Variants in PLEKHA4 observed in about 807,000 individuals in gnomAD.
PLEKHA4 encodes the protein pleckstrin homology domain containing A4, also known as pleckstrin homology domain-containing family A member 4.
PLEKHA4 carries 73 observed loss-of-function variants against 94.7 expected under a neutral mutation model. That is an observed-to-expected ratio of 0.77 (90% CI 0.64 to 0.94). PLEKHA4 has a LOEUF of 0.94. PLEKHA4 is among the 40% of genes least tolerant of loss of function. The probability of loss-of-function intolerance (pLI) is 0.00; values close to 1 mark genes in which losing one functional copy is unlikely to be tolerated. For synonymous variants in PLEKHA4, 449 were observed against 437.1 expected, an observed-to-expected ratio of 1.03 and a Z score of -0.34; for missense variants, 1,049 against 1,054.1, an observed-to-expected ratio of 1.00 and a Z score of 0.07.
chr19:48,865,661 G>A, intron 2 of PLEKHA4, 51 bp from the exon 3 acceptor site: 1 of 1,349,492 alleles, frequency 7.4e-7, no homozygotes, highest in South Asian at 1.2e-5. Context: ...GGATGGTCCT[G>A]GGAGGGGGTG....
In PLEKHA4 at chr19:48,837,249, CACG is replaced by C. The variant is rs767162783; in HGVS notation, c.*37_*39del. ...CAGATCTCCGGCGGTACCTCCAGAC[CACG>C]TCCTCGCGCTCCGATTGGCTGCCGC... On this transcript the variant is annotated 3_prime_UTR_variant, in exon 20 of 20. Coordinates refer to ENST00000263265, the MANE Select transcript of PLEKHA4 (RefSeq NM_020904.3). The surrounding 1 kb of genome is among the most constrained non-coding windows in gnomAD (Gnocchi z 4.3). 4 of 1,613,888 alleles carry C rather than the reference CACG, an allele frequency of 2.5e-6. No homozygotes were observed. The highest frequency in any genetic ancestry group is 3.4e-6 in the Non-Finnish European group (4 of 1,179,936).
Position 48,837,189 on chromosome 19 carries a change from G to A in PLEKHA4, c.*100C>T. The A allele has an allele frequency of 1.3e-6, 2 of 1,565,880 alleles. No homozygotes were observed. The highest frequency in any genetic ancestry group is 1.1e-5 in the South Asian group (1 of 89,454). ...ATTCCCCTCCCGGGCCCGCAATGGG[G>A]ACCAGACCACGCCCCCTGATGCCCT... On this transcript the variant is annotated 3_prime_UTR_variant, in exon 20 of 20. Coordinates refer to ENST00000263265, the MANE Select transcript of PLEKHA4 (RefSeq NM_020904.3). This position sits in a 1 kb window ranked among gnomAD's most constrained non-coding sequence, Gnocchi z 4.3.
chr19:48,861,865 C>G (rs1391600496), intron 3 of PLEKHA4, among the ~76,000 whole-genome samples, 173 bp from the exon 4 acceptor site: 2 of 151,980 alleles, frequency 1.3e-5, no homozygotes, highest in African/African-American at 4.8e-5. Context: ...ATGGCTCACG[C>G]CTGTAATCCC....
chr19:48,867,670 T>C lies in PLEKHA4; in HGVS notation c.-6-44A>G. On this transcript the variant is annotated intron_variant, in intron 1 of 19. Coordinates refer to ENST00000263265, the MANE Select transcript of PLEKHA4 (RefSeq NM_020904.3). The surrounding 1 kb of genome is among the most constrained non-coding windows in gnomAD (Gnocchi z 4.7). ...GGGGCTGTGTCTCTGCAGTGACGGG[T>C]GTGAGACAGAGATGGGGTCAGGGGC... The C allele has an allele frequency of 6.5e-7, 1 of 1,529,022 alleles. No individual in the cohort carries two copies. The highest frequency in any genetic ancestry group is 8.9e-7 in the Non-Finnish European group (1 of 1,126,162). The allele number at this position is 1,529,022 out of a possible 1,614,324, so 94.7% of individuals were successfully genotyped here.
Position 48,837,143 on chromosome 19 carries a change from C to A in PLEKHA4, c.*146G>T, listed in dbSNP as rs1357278974. On this transcript the variant is annotated 3_prime_UTR_variant, in exon 20 of 20. Coordinates refer to ENST00000263265, the MANE Select transcript of PLEKHA4 (RefSeq NM_020904.3). This position sits in a 1 kb window ranked among gnomAD's most constrained non-coding sequence, Gnocchi z 4.3. ...CAAATTTAGACAGTGTTGAGAAAAC[C>A]AAACTTTGGCCATAGAAACCATTCC... is the stretch of plus-strand genomic sequence containing the variant. 14 of 1,148,798 alleles carry A rather than the reference C, an allele frequency of 1.2e-5. No homozygotes were observed. Among genetic ancestry groups the A allele is most frequent in the Non-Finnish European group, 1.8e-5 (14 of 787,530 alleles). 71.2% of individuals were successfully genotyped at this position (1,148,798 alleles called of 1,614,324 possible).
At chr19:48,853,293 G>A (rs563707933) in intron 12 of PLEKHA4, among the ~76,000 whole-genome samples, 3 of 152,256 alleles carry the variant, frequency 2.0e-5, no homozygotes, top group East Asian at 1.9e-4. Context: ...CACTTTGGGA[G>A]GCTGAGGCAG....
intron 1 of PLEKHA4, 22 bp downstream of exon 1, chr19:48,868,061 C>G (rs2036893762): frequency 1.2e-5 from 2 of 166,158 alleles, no homozygotes; most frequent in South Asian, 3.2e-4. Flanking sequence ...AGAGCCCCTC[C>G]CAGCCCAGCC....
At chr19:48,843,961 G>A (rs112796966) in intron 16 of PLEKHA4, among the ~76,000 whole-genome samples, 1,592 of 150,636 alleles carry the variant, frequency 0.011, 16 homozygotes, top group Non-Finnish European at 0.017. Flanking sequence ...CCTGGCCACA[G>A]CTAACTTTTT....
Position 48,838,015 on chromosome 19 carries a change from A to C in PLEKHA4, c.2077+2T>G. ...AGAAGTCCAACATCCCCAGCCAGTC[A>C]CCTGTCATCATTCTGTGCCACTGCG... is the stretch of plus-strand genomic sequence containing the variant. On this transcript the variant is annotated splice_donor_variant, in intron 19 of 19. Coordinates refer to ENST00000263265, the MANE Select transcript of PLEKHA4 (RefSeq NM_020904.3). LOFTEE classifies it high-confidence loss of function. 6.2e-7 allele frequency: 1 copy of C among 1,606,718 alleles called. No individual in the cohort carries two copies. Among genetic ancestry groups the C allele is most frequent in the Non-Finnish European group, 8.5e-7 (1 of 1,174,000 alleles).
rs1244725892 is a variant in PLEKHA4 at position 48,845,461 on chromosome 19, C to A, written c.1667-15G>T. ...AGACCCAAGACCTGGAAAGACAGAA[C>A]GGGACTTGGTGAGGACGGGAATTTC... is the stretch of plus-strand genomic sequence containing the variant. On this transcript the variant is annotated splice_polypyrimidine_tract_variant and intron_variant, in intron 15 of 19. Coordinates refer to ENST00000263265, the MANE Select transcript of PLEKHA4 (RefSeq NM_020904.3). 6.2e-7 allele frequency: 1 copy of A among 1,613,822 alleles called. No individual in the cohort carries two copies. Among genetic ancestry groups the A allele is most frequent in the Non-Finnish European group, 8.5e-7 (1 of 1,179,976 alleles).
At chr19:48,866,502 T>C (rs1373365321) in intron 2 of PLEKHA4, among the ~76,000 whole-genome samples, 1 of 152,008 alleles carries the variant, frequency 6.6e-6, no homozygotes. Flanking sequence ...AGACGCGGTT[T>C]CGCCATGTCA....
intron 13 of PLEKHA4, among the ~76,000 whole-genome samples, chr19:48,848,410 C>T (rs1336101001): frequency 4.8e-5 from 7 of 146,550 alleles, no homozygotes; most frequent in Admixed American, 2.1e-4. Flanking sequence ...GGCGTGAACC[C>T]GGGAGGCGGA....
In PLEKHA4 at chr19:48,841,129, C is replaced by A; in HGVS notation, c.1905+20G>T. 1 of 1,600,172 alleles carries A rather than the reference C, an allele frequency of 6.2e-7. No individual in the cohort carries two copies. Among genetic ancestry groups the A allele is most frequent in the Non-Finnish European group, 8.5e-7 (1 of 1,173,384 alleles). ...ACCTACTACCACCCCACCGCCCAGC[C>A]CCAGCCCTCCTCCCCTCACCCTTTG... On this transcript the variant is annotated intron_variant, in intron 17 of 19. Transcript: ENST00000263265.
rs566680281 is a variant in PLEKHA4, at chr19:48,843,390, A to C, written c.1743+1980T>G. ...GAGACGGGGTTACACTATGTTGGTC[A>C]GGCTGGTTTCGAACTCCTGACCTTG... On this transcript the variant is annotated intron_variant, in intron 16 of 19. Transcript: ENST00000263265. 1.1e-4 allele frequency among the ~76,000 whole-genome samples: 16 copies of C among 152,018 alleles called. No homozygotes were observed. In the East Asian group the frequency reaches 2.9e-3, roughly 28 times the overall value.
chr19:48,841,307 G>T lies in PLEKHA4; in HGVS notation c.1747C>A (p.Pro583Thr). ...LPSPQLGTKA[P>T]VARPRMSAQE... ...GCACTCATCCGGGGCCGGGCCACCG[G>T]GGCCTAGGGAGGCGAGAAACGTCCC... The change falls in exon 17 of 20, where the codon CCG becomes ACG. Residue 583 changes from proline to threonine, a missense_variant. Physicochemically the swap from Pro to Thr is conservative, Grantham distance 38 (BLOSUM62 -1). Transcript: ENST00000263265. The T allele has an allele frequency of 6.2e-7, 1 of 1,606,798 alleles. No homozygotes were observed. Among genetic ancestry groups the T allele is most frequent in the South Asian group, 1.1e-5 (1 of 90,182 alleles).
chr19:48,856,202 GGAAA>G (rs1241058849), intron 9 of PLEKHA4, among the ~76,000 whole-genome samples: 7 of 140,936 alleles, frequency 5.0e-5, no homozygotes, highest in African/African-American at 7.9e-5. Flanking sequence ...AAGGAAAGAA[GGAAA>G]GAAAGAAAGA....
At chr19:48,846,195 T>G (rs1056430186) in intron 14 of PLEKHA4, among the ~76,000 whole-genome samples, 28 of 151,840 alleles carry the variant, frequency 1.8e-4, no homozygotes, top group African/African-American at 6.5e-4. Context: ...GGCTCATGCC[T>G]GTAATCCCAG....
At chr19:48,847,149 G>T (rs1230502132) in intron 14 of PLEKHA4, among the ~76,000 whole-genome samples, 1 of 152,146 alleles carries the variant, frequency 6.6e-6, no homozygotes. Context: ...TCATATTAGG[G>T]CTGGGTGCGG....
intron 12 of PLEKHA4, 140 bp downstream of exon 12, chr19:48,853,542 G>T: frequency 1.1e-6 from 1 of 924,628 alleles, no homozygotes; most frequent in Non-Finnish European, 1.5e-6. Flanking sequence ...ACAATGAGGA[G>T]AGAGAAAAAA....
Sources: gnomAD v4.1 joint callset for allele counts (sites outside exome capture counted in the v4.1 genomes callset) on GRCh38, gnomAD v4.1.1 for gene constraint, Gnocchi (gnomAD v3.1) non-coding constraint, MANE v1.5 for transcripts, NCBI Gene and HGNC (gene_info 2026-07-23, HGNC 2026-07-21) for gene names.